The following PDE1A variants were observed in gnomAD, a reference collection of about 807,000 sequenced individuals.
The protein encoded by PDE1A is dual specificity calcium/calmodulin-dependent 3',5'-cyclic nucleotide phosphodiesterase 1A.
A neutral mutation model predicts 61.7 loss-of-function variants in PDE1A; 35 were observed. That is an observed-to-expected ratio of 0.57 (90% CI 0.43 to 0.75). The LOEUF is 0.75. Ranked by LOEUF, PDE1A falls within the 30% of genes least tolerant of loss-of-function variation. The pLI, the probability that PDE1A is intolerant of heterozygous loss-of-function variation, is 0.00. For synonymous variants in PDE1A, 232 were observed against 213.2 expected, an observed-to-expected ratio of 1.09 and a Z score of -0.77; for missense variants, 597 against 630.6, an observed-to-expected ratio of 0.95 and a Z score of 0.57.
chr2:182,310,730 A>G (rs1695910215), intron 1 of PDE1A, among the ~76,000 whole-genome samples: 1 of 152,158 alleles, frequency 6.6e-6, no homozygotes, highest in Non-Finnish European at 1.5e-5. Context: ...CCATGGCTGC[A>G]CATCTCACTT....
At chr2:182,700,733 A>AAAAAAAAAAAAAC in the PDE1A span, among the ~76,000 whole-genome samples, 6 of 145,210 alleles carry the variant, frequency 4.1e-5, no homozygotes, top group Non-Finnish European at 7.6e-5. Flanking sequence ...AAAAAAAAAA[A>AAAAAAAAAAAAAC]AAAAAAACAG....
the PDE1A span, among the ~76,000 whole-genome samples, chr2:182,669,332 A>C: frequency 6.6e-6 from 1 of 152,250 alleles, no homozygotes; most frequent in Non-Finnish European, 1.5e-5. Flanking sequence ...GCTTAATTAA[A>C]GTGATGGGAA....
At chr2:182,563,046 T>G in the PDE1A span, among the ~76,000 whole-genome samples, 1 of 152,248 alleles carries the variant, frequency 6.6e-6, no homozygotes, top group Non-Finnish European at 1.5e-5. Context: ...TTTTTGTGTC[T>G]CTATTTCCTT....
the PDE1A span, among the ~76,000 whole-genome samples, chr2:182,678,546 G>A: frequency 1.3e-5 from 2 of 152,236 alleles, no homozygotes; most frequent in East Asian, 3.9e-4. Context: ...ATACCTGCAT[G>A]TGCCAAAAAA....
At chr2:182,245,940 A>T (rs948163129) in intron 2 of PDE1A, among the ~76,000 whole-genome samples, 3 of 152,168 alleles carry the variant, frequency 2.0e-5, no homozygotes, top group Non-Finnish European at 4.4e-5. Context: ...ACCTGTAACG[A>T]ATGAGCCAGA....
At chr2:182,339,258 A>G (rs1698032209) in intron 1 of PDE1A, among the ~76,000 whole-genome samples, 1 of 152,150 alleles carries the variant, frequency 6.6e-6, no homozygotes, top group Non-Finnish European at 1.5e-5. Flanking sequence ...GTATTTCTCA[A>G]AGGTGCATTT....
intron 2 of PDE1A, among the ~76,000 whole-genome samples, chr2:182,518,763 A>G (rs1690373379): frequency 6.6e-6 from 1 of 152,110 alleles, no homozygotes; most frequent in African/African-American, 2.4e-5. Flanking sequence ...ATGCCTGAGT[A>G]AGATAATACT....
the PDE1A span, among the ~76,000 whole-genome samples, chr2:182,607,369 G>C: frequency 1.3e-5 from 2 of 152,210 alleles, no homozygotes; most frequent in African/African-American, 4.8e-5. Flanking sequence ...GAAAGCCAAA[G>C]TATGCCTGGA....
At chr2:182,648,619 T>G in the PDE1A span, among the ~76,000 whole-genome samples, 3 of 150,966 alleles carry the variant, frequency 2.0e-5, no homozygotes, top group Non-Finnish European at 2.9e-5. Context: ...GAGGATCACT[T>G]GATCCCAGGA....
At chr2:182,568,706 C>G in the PDE1A span, among the ~76,000 whole-genome samples, 1 of 152,078 alleles carries the variant, frequency 6.6e-6, no homozygotes, top group Non-Finnish European at 1.5e-5. Flanking sequence ...GTACATATTT[C>G]TGTATTTATC....
At chr2:182,206,484 T>C (rs966514375) in intron 7 of PDE1A, among the ~76,000 whole-genome samples, 1 of 152,218 alleles carries the variant, frequency 6.6e-6, no homozygotes, top group Admixed American at 6.5e-5. Context: ...AAGTGAATAA[T>C]GACATGTATC....
At chr2:182,195,720 T>C (rs959196755) in intron 10 of PDE1A, among the ~76,000 whole-genome samples, 1 of 152,096 alleles carries the variant, frequency 6.6e-6, no homozygotes, top group African/African-American at 2.4e-5. Context: ...GTAAAAGTGC[T>C]GTTTTCACTG....
chr2:182,413,793 T>C (rs1160812157), intron 1 of PDE1A, among the ~76,000 whole-genome samples: 1 of 152,116 alleles, frequency 6.6e-6, no homozygotes, highest in Non-Finnish European at 1.5e-5. Context: ...CTTGTAATCC[T>C]GTGTCTGTGT....
chr2:182,350,502 T>C (rs1394213890), intron 1 of PDE1A, among the ~76,000 whole-genome samples: 1 of 152,154 alleles, frequency 6.6e-6, no homozygotes, highest in East Asian at 1.9e-4. Context: ...AATGTACAGG[T>C]TACAGTGCAA....
intron 2 of PDE1A, among the ~76,000 whole-genome samples, chr2:182,477,510 T>C (rs943276901): frequency 2.0e-5 from 3 of 151,828 alleles, no homozygotes; most frequent in Non-Finnish European, 2.9e-5. Context: ...GAGATGTGAA[T>C]CTGGTGTGCT....
chr2:182,211,568 T>C (rs1315053982), intron 7 of PDE1A, among the ~76,000 whole-genome samples: 1 of 152,194 alleles, frequency 6.6e-6, no homozygotes, highest in Admixed American at 6.5e-5. Context: ...TGCTGGTATT[T>C]TCATTGGGAT....
chr2:182,419,597 C>A (rs911940295), intron 1 of PDE1A, among the ~76,000 whole-genome samples: 4 of 152,190 alleles, frequency 2.6e-5, no homozygotes, highest in African/African-American at 9.6e-5. Context: ...GAATTTTCAG[C>A]TAAGCTCTAC....
At chr2:182,272,682 A>G (rs1693117186) in intron 1 of PDE1A, among the ~76,000 whole-genome samples, 1 of 152,160 alleles carries the variant, frequency 6.6e-6, no homozygotes, top group Admixed American at 6.6e-5. Context: ...GTACAGAGGA[A>G]AGGAAGTGTG....
chr2:182,585,237 T>A, the PDE1A span, among the ~76,000 whole-genome samples: 1 of 152,214 alleles, frequency 6.6e-6, no homozygotes, highest in African/African-American at 2.4e-5. Flanking sequence ...GAGATCCTGA[T>A]GAAAATTAGA....
Sources: allele counts gnomAD v4.1 joint callset (sites outside exome capture counted in the v4.1 genomes callset), GRCh38; gene constraint gnomAD v4.1.1; transcripts MANE v1.5; gene names NCBI Gene and HGNC (gene_info 2026-07-23, HGNC 2026-07-21).